LRBA: variants seen among roughly 807,000 people sequenced by gnomAD.
The protein encoded by LRBA is lipopolysaccharide-responsive and beige-like anchor protein.
In LRBA, 176 loss-of-function variants were observed where a neutral mutation model predicts 330.0. That is an observed-to-expected ratio of 0.53 (90% confidence interval 0.47 to 0.60). LRBA has a LOEUF of 0.60. LRBA is among the 20% of genes least tolerant of loss of function. The pLI is 0.00. For missense variants in LRBA, 3,259 were observed against 3,444.8 expected (o/e 0.95, Z 1.35); for synonymous variants, 1,230 against 1,193.0 (o/e 1.03, Z -0.64).
At chr4:150,812,563 T>C (rs1743899803) in intron 31 of LRBA, among the ~76,000 whole-genome samples, 2 of 152,146 alleles carry the variant, frequency 1.3e-5, no homozygotes, top group Admixed American at 1.3e-4. Flanking sequence ...ATAGTCTACA[T>C]GCCCAGTAAA....
intron 55 of LRBA, among the ~76,000 whole-genome samples, chr4:150,281,480 A>C (rs1241781384): frequency 6.6e-6 from 1 of 152,130 alleles, no homozygotes; most frequent in African/African-American, 2.4e-5. Context: ...GTTCCCTGAG[A>C]CCAGTATTTA....
rs557875461 is a variant in LRBA, at chr4:151,015,057, T to C, written c.-220+145A>G. On this transcript the variant is annotated intron_variant, in intron 1 of 56. Coordinates refer to ENST00000651943, the MANE Select transcript of LRBA (RefSeq NM_001364905.1). ...AGAGGCCCCCGAACAGGCTCACTCC[T>C]CCCCCACTCTCGTGCAGGTTCTAGG... The C allele has an allele frequency of 2.2e-3, 358 of 164,312 alleles. 1 individual carries two copies. The highest frequency in any genetic ancestry group is 3.1e-3 in the Non-Finnish European group (234 of 75,466). 10.2% of individuals were successfully genotyped at this position (164,312 alleles called of 1,614,324 possible).
chr4:150,422,192 C>T (rs1041734436), intron 46 of LRBA, among the ~76,000 whole-genome samples: 6 of 152,080 alleles, frequency 3.9e-5, no homozygotes, highest in African/African-American at 7.2e-5. Context: ...CCTGGGAGGG[C>T]AAGGCTGCAG....
chr4:150,277,780 G>T, intron 56 of LRBA, 73 bp downstream of exon 56: 3 of 1,439,426 alleles, frequency 2.1e-6, no homozygotes, highest in Non-Finnish European at 2.9e-6. Flanking sequence ...GGGATTACAG[G>T]TGTAAGCCAA....
At chr4:150,894,780 A>G (rs1005607641) in intron 16 of LRBA, among the ~76,000 whole-genome samples, 1 of 152,220 alleles carries the variant, frequency 6.6e-6, no homozygotes, top group Non-Finnish European at 1.5e-5. Flanking sequence ...TATCTCATAT[A>G]AAGTACTTTA....
chr4:151,006,212 A>G (rs1744056079), intron 2 of LRBA, among the ~76,000 whole-genome samples: 1 of 152,144 alleles, frequency 6.6e-6, no homozygotes. Flanking sequence ...AGTGGTGGTC[A>G]GCTACTCGGG....
At position 150,697,509 on chromosome 4, in the gene LRBA, A is replaced by G. The variant is rs1784756134; in HGVS notation, c.5755-13792T>C. 2.0e-5 allele frequency among the ~76,000 whole-genome samples: 3 copies of G among 151,996 alleles called. No individual in the cohort carries two copies. The South Asian group carries it at 6.2e-4, about 32-fold the overall frequency. Reference sequence around the variant, plus strand: ...AAGCAAAGATAGGAATAACAGAATGAGACATGTAATAAAGAGCCTTCTCTT... The same window carrying G: ...AAGCAAAGATAGGAATAACAGAATGGGACATGTAATAAAGAGCCTTCTCTT... On this transcript the variant is annotated intron_variant, in intron 36 of 56. Transcript: ENST00000651943.
chr4:150,487,634 T>C (rs1448046972), intron 42 of LRBA, 98 bp downstream of exon 42: 3 of 567,806 alleles, frequency 5.3e-6, no homozygotes, highest in Non-Finnish European at 9.1e-6. Context: ...AGTGAGAACA[T>C]TAATACAGAT....
At chr4:150,861,269 T>TGG (rs1182057372) in intron 22 of LRBA, among the ~76,000 whole-genome samples, 2 of 114,798 alleles carry the variant, frequency 1.7e-5, no homozygotes, top group Non-Finnish European at 3.4e-5. Flanking sequence ...TCCCAGCTAA[T>TGG]GGTGTGTGTG....
chr4:150,747,350 T>G (rs1582227017), intron 35 of LRBA, among the ~76,000 whole-genome samples: 1 of 152,256 alleles, frequency 6.6e-6, no homozygotes, highest in Non-Finnish European at 1.5e-5. Context: ...TGAAACTTTC[T>G]GTATAACACA....
intron 35 of LRBA, among the ~76,000 whole-genome samples, chr4:150,740,412 C>G (rs1360993952): frequency 2.6e-5 from 4 of 151,582 alleles, no homozygotes; most frequent in Non-Finnish European, 5.9e-5. Context: ...ATTTGAAATA[C>G]TGAAAAAATC....
chr4:150,519,896 G>A (rs188953366), intron 40 of LRBA, among the ~76,000 whole-genome samples: 13 of 152,250 alleles, frequency 8.5e-5, no homozygotes, highest in African/African-American at 2.6e-4. Context: ...CTATCCTAAC[G>A]TGTAGTAGTG....
At chr4:150,408,188 C>T (rs1475307756) in intron 47 of LRBA, among the ~76,000 whole-genome samples, 3 of 151,684 alleles carry the variant, frequency 2.0e-5, no homozygotes, top group Non-Finnish European at 4.4e-5. Flanking sequence ...ACACCAATTA[C>T]CAAAAATCAG....
chr4:150,403,196 G>C (rs966861817), intron 47 of LRBA, among the ~76,000 whole-genome samples: 7 of 152,332 alleles, frequency 4.6e-5, no homozygotes, highest in African/African-American at 1.7e-4. Flanking sequence ...ACACAGGCAG[G>C]GGAGGGGTTA....
intron 2 of LRBA, among the ~76,000 whole-genome samples, chr4:150,973,740 C>A (rs1739842397): frequency 6.6e-6 from 1 of 152,100 alleles, no homozygotes; most frequent in African/African-American, 2.4e-5. Context: ...TGCCTGTAAC[C>A]CCAGCACTTC....
Position 150,417,238 on chromosome 4 carries a change from C to T in LRBA, c.7042-1648G>A, listed in dbSNP as rs1361824039. Among the ~76,000 whole-genome samples the T allele has an allele frequency of 3.9e-5, 6 of 152,016 alleles. No homozygotes were observed. In the East Asian group the frequency reaches 5.8e-4, roughly 15 times the overall value. ...ATATATATATTTATCTCTCTCTATACAGCAATTGTTATATAAATAATTGAA... is the reference window on the plus strand; with the variant it reads ...ATATATATATTTATCTCTCTCTATATAGCAATTGTTATATAAATAATTGAA... On this transcript the variant is annotated intron_variant, in intron 46 of 56. Transcript: ENST00000651943.
intron 2 of LRBA, among the ~76,000 whole-genome samples, chr4:150,944,459 T>A (rs775118612): frequency 6.6e-6 from 1 of 152,230 alleles, no homozygotes. Flanking sequence ...AACATGGGTT[T>A]CAACACTACA....
chr4:150,273,531 A>G (rs1746399138), intron 56 of LRBA, among the ~76,000 whole-genome samples: 1 of 152,192 alleles, frequency 6.6e-6, no homozygotes, highest in Admixed American at 6.5e-5. Context: ...TTGGATAAAG[A>G]GTCAAGACCC....
chr4:150,825,983 C>A (rs933649561), intron 30 of LRBA, among the ~76,000 whole-genome samples: 16 of 151,824 alleles, frequency 1.1e-4, no homozygotes, highest in Non-Finnish European at 1.9e-4. Flanking sequence ...AACAAACAAA[C>A]AAAAAAACAA....
Sources: allele counts gnomAD v4.1 joint callset (sites outside exome capture counted in the v4.1 genomes callset), GRCh38; gene constraint gnomAD v4.1.1; transcripts MANE v1.5; gene names NCBI Gene and HGNC (gene_info 2026-07-23, HGNC 2026-07-21).